The following WDR49 variants were observed in gnomAD, a reference collection of about 807,000 sequenced individuals.
WDR49 encodes the protein WD repeat domain 49, also known as cilia- and flagella-associated protein 337.
Under a neutral mutation model 119.5 loss-of-function variants are expected in WDR49, and 107 were observed. That is an observed-to-expected ratio of 0.90 (90% CI 0.77 to 1.05). The LOEUF is 1.05. Ranked by LOEUF, WDR49 falls within the 50% of genes least tolerant of loss-of-function variation. WDR49 has a pLI of 0.00. For missense variants in WDR49, 1,240 were observed against 1,220.5 expected (o/e 1.02, Z -0.24); for synonymous variants, 425 against 418.8 (o/e 1.01, Z -0.18).
intron 18 of WDR49, among the ~76,000 whole-genome samples, chr3:167,480,074 T>A (rs1750645538): frequency 6.6e-6 from 1 of 150,870 alleles, no homozygotes; most frequent in South Asian, 2.1e-4. Flanking sequence ...CTACCAAAAA[T>A]ACAAAAAAAT....
chr3:167,621,466 C>T lies in WDR49; in HGVS notation c.783+1G>A. 1 of 1,526,590 alleles carries T rather than the reference C, an allele frequency of 6.6e-7. No homozygotes were observed. Among genetic ancestry groups the T allele is most frequent in the Non-Finnish European group, 8.8e-7 (1 of 1,141,918 alleles). 94.6% of individuals were successfully genotyped at this position (1,526,590 alleles called of 1,614,324 possible). A position where few individuals can be genotyped will look rare whatever the true frequency, so the allele number is the denominator to read the frequency against. On this transcript the variant is annotated splice_donor_variant, in intron 4 of 18. Transcript: ENST00000682715. LOFTEE classifies it high-confidence loss of function. ...TTCAATCTTAATCTACCCTCACTTA[C>T]CTTTCCAGTTATATCCCCAAAAGAA...
chr3:167,536,710 C>CAT (rs1414172954), intron 11 of WDR49, among the ~76,000 whole-genome samples, 160 bp downstream of exon 11: 9 of 125,864 alleles, frequency 7.2e-5, no homozygotes, highest in South Asian at 2.4e-4. Context: ...TATATACACA[C>CAT]ACATATATAT....
chr3:167,542,355 G>A (rs919742159), intron 10 of WDR49, among the ~76,000 whole-genome samples: 6 of 151,976 alleles, frequency 3.9e-5, no homozygotes, highest in Non-Finnish European at 8.8e-5. Context: ...TCAGCACATG[G>A]AACATTCTCC....
At chr3:167,545,509 T>TTA (rs141981277) in intron 10 of WDR49, among the ~76,000 whole-genome samples, 1,623 of 108,310 alleles carry the variant, frequency 0.015, 107 homozygotes, top group African/African-American at 0.049. Flanking sequence ...ATATTATATA[T>TTA]TATATATATA....
At chr3:167,512,412 G>A (rs546215218) in intron 16 of WDR49, among the ~76,000 whole-genome samples, 1 of 152,176 alleles carries the variant, frequency 6.6e-6, no homozygotes, top group East Asian at 1.9e-4. Context: ...CAAACAGAAA[G>A]CAACAACATC....
At chr3:167,514,554 C>A (rs1040283552) in intron 16 of WDR49, among the ~76,000 whole-genome samples, 1 of 150,854 alleles carries the variant, frequency 6.6e-6, no homozygotes, top group African/African-American at 2.4e-5. Flanking sequence ...ACTAGAGAAC[C>A]AAGAGCAAAC....
intron 15 of WDR49, among the ~76,000 whole-genome samples, chr3:167,525,958 T>C (rs748786360): frequency 6.6e-6 from 1 of 151,920 alleles, no homozygotes; most frequent in African/African-American, 2.4e-5. Context: ...CTCTTTGCTC[T>C]ACATCTTGGG....
chr3:167,513,821 A>C (rs1752083886), intron 16 of WDR49, among the ~76,000 whole-genome samples: 1 of 152,184 alleles, frequency 6.6e-6, no homozygotes, highest in Non-Finnish European at 1.5e-5. Context: ...CTAGTTTCTG[A>C]CAAAACAGAC....
At chr3:167,530,508 A>G (rs1478604317) in intron 13 of WDR49, among the ~76,000 whole-genome samples, 2 of 152,104 alleles carry the variant, frequency 1.3e-5, no homozygotes, top group African/African-American at 4.8e-5. Context: ...ATATAACTAC[A>G]GTAAATCATA....
chr3:167,522,530 T>C (rs781322652), intron 15 of WDR49, 46 bp from the exon 16 acceptor site: 5 of 1,560,040 alleles, frequency 3.2e-6, no homozygotes, highest in Non-Finnish European at 4.3e-6. Flanking sequence ...AAATTTATTT[T>C]CTTCAAACAT....
intron 16 of WDR49, among the ~76,000 whole-genome samples, chr3:167,517,036 A>G (rs1375671433): frequency 1.3e-5 from 2 of 152,242 alleles, no homozygotes; most frequent in African/African-American, 2.4e-5. Context: ...CACACTAGTT[A>G]GAATGGTGAG....
intron 2 of WDR49, among the ~76,000 whole-genome samples, chr3:167,652,638 A>C (rs1437126763): frequency 6.6e-6 from 1 of 152,240 alleles, no homozygotes; most frequent in African/African-American, 2.4e-5. Flanking sequence ...ATTCATTTAC[A>C]GTTAAATTCC....
chr3:167,634,150 G>T (rs1435927989), intron 2 of WDR49, among the ~76,000 whole-genome samples: 3 of 151,832 alleles, frequency 2.0e-5, no homozygotes, highest in Admixed American at 1.3e-4. Flanking sequence ...GTGTTTTAAA[G>T]ATATGTCCTT....
chr3:167,513,388 T>C (rs1193646317), intron 16 of WDR49, among the ~76,000 whole-genome samples: 2 of 152,118 alleles, frequency 1.3e-5, no homozygotes, highest in African/African-American at 2.4e-5. Flanking sequence ...AGAAACAAGA[T>C]TGTTTTCAGA....
At chr3:167,574,112 T>C (rs556088304) in intron 8 of WDR49, among the ~76,000 whole-genome samples, 1 of 152,324 alleles carries the variant, frequency 6.6e-6, no homozygotes, top group South Asian at 2.1e-4. Flanking sequence ...TATGTCTCCC[T>C]TCCCTTCTTT....
rs540855036 is a variant in WDR49, at chr3:167,586,888, A to AT, written c.1276-10738dup. Among the ~76,000 whole-genome samples, 144 of 152,180 alleles carry AT rather than the reference A, an allele frequency of 9.5e-4. 1 individual carries two copies. Among genetic ancestry groups the AT allele is most frequent in the East Asian group, 8.5e-3 (44 of 5,182 alleles). ...CATAATCACCTGTGACTCTAAAGACATTTTTTCACTTGCTTTTACGTTATA... is the reference window on the plus strand; with the variant it reads ...CATAATCACCTGTGACTCTAAAGACATTTTTTTCACTTGCTTTTACGTTATA... On this transcript the variant is annotated intron_variant, in intron 7 of 18. Coordinates refer to ENST00000682715, the MANE Select transcript of WDR49 (RefSeq NM_001366157.1).
chr3:167,550,454 C>A (rs1371733901), intron 10 of WDR49, among the ~76,000 whole-genome samples: 2 of 152,028 alleles, frequency 1.3e-5, no homozygotes, highest in Non-Finnish European at 2.9e-5. Flanking sequence ...CTCTTTGAAG[C>A]AATGGTGAAT....
chr3:167,490,971 A>G (rs1751111562), intron 18 of WDR49, among the ~76,000 whole-genome samples: 1 of 151,688 alleles, frequency 6.6e-6, no homozygotes, highest in Non-Finnish European at 1.5e-5. Context: ...CCAAATTAAC[A>G]TTTTCAGTTT....
At chr3:167,527,795 A>G (rs990490733) in intron 15 of WDR49, 25 bp downstream of exon 15, 1 of 1,602,918 alleles carries the variant, frequency 6.2e-7, no homozygotes, top group Non-Finnish European at 8.5e-7. Context: ...TAAATACTAG[A>G]ATAATAAAGA....
Sources: allele counts gnomAD v4.1 joint callset (sites outside exome capture counted in the v4.1 genomes callset), GRCh38; gene constraint gnomAD v4.1.1; transcripts MANE v1.5; gene names NCBI Gene and HGNC (gene_info 2026-07-23, HGNC 2026-07-21).